Variants in RPS6KA6 observed in about 807,000 individuals in gnomAD.
RPS6KA6 encodes ribosomal protein S6 kinase alpha-6.
Under a neutral mutation model 65.4 loss-of-function variants are expected in RPS6KA6, and 27 were observed. That is an observed-to-expected ratio of 0.41 (90% CI 0.30 to 0.57). The LOEUF (loss-of-function observed/expected upper bound fraction) is 0.57, where lower values mean the gene tolerates loss of function less well. Among genes scored for constraint, RPS6KA6 ranks in the 20% least tolerant of loss-of-function variants. RPS6KA6 has a pLI of 0.24. For synonymous variants in RPS6KA6, 190 were observed against 184.2 expected (o/e 1.03, Z -0.26); for missense variants, 486 against 555.6 (o/e 0.87, Z 1.26).
At chrX:84,107,487 T>C (rs1326748093) in intron 13 of RPS6KA6, 136 bp downstream of exon 13, 2 of 398,334 alleles carry the variant, frequency 5.0e-6, no homozygotes, top group Non-Finnish European at 8.7e-6. Context: ...ATGTTTTGTA[T>C]AGGATCCATA....
At chrX:84,175,114 T>G (rs761473218) in intron 1 of RPS6KA6, among the ~76,000 whole-genome samples, 16 of 111,535 alleles carry the variant, frequency 1.4e-4, no homozygotes, top group African/African-American at 5.2e-4. Context: ...CAAAATCACA[T>G]TAAAAATATA....
At chrX:84,117,211 T>G in intron 10 of RPS6KA6, 63 bp from the exon 11 acceptor site, 1 of 932,850 alleles carries the variant, frequency 1.1e-6, no homozygotes, top group African/African-American at 1.9e-5. Flanking sequence ...TTGAAAAATC[T>G]CAAAAAGAAC....
intron 3 of RPS6KA6, among the ~76,000 whole-genome samples, chrX:84,149,264 C>A (rs1021511331): frequency 1.8e-5 from 2 of 111,534 alleles, no homozygotes; most frequent in Non-Finnish European, 3.8e-5. Context: ...TTGAGCCCCT[C>A]CAAGTCATCC....
chrX:84,076,806 A>C (rs921638242), intron 20 of RPS6KA6, among the ~76,000 whole-genome samples: 2 of 111,343 alleles, frequency 1.8e-5, no homozygotes, highest in African/African-American at 6.5e-5. Flanking sequence ...AATTAAGAAA[A>C]AAGACATCCA....
intron 1 of RPS6KA6, among the ~76,000 whole-genome samples, chrX:84,172,208 C>T (rs1399516865): frequency 8.9e-6 from 1 of 111,782 alleles, no homozygotes; most frequent in Admixed American, 9.5e-5. Flanking sequence ...CATACGTGTG[C>T]ATGTGTCTTT....
intron 20 of RPS6KA6, among the ~76,000 whole-genome samples, chrX:84,076,487 C>T (rs1341587929): frequency 1.8e-5 from 2 of 111,569 alleles, no homozygotes; most frequent in Admixed American, 1.9e-4. Context: ...AGAAGGTTGG[C>T]TTAGCATTTG....
chrX:84,152,344 C>A (rs980696741), intron 3 of RPS6KA6, among the ~76,000 whole-genome samples: 4 of 110,452 alleles, frequency 3.6e-5, no homozygotes, highest in African/African-American at 1.3e-4. Context: ...TCTCAACCTT[C>A]CCAAGGCTAT....
chrX:84,074,885 T>C (rs1271653425), intron 20 of RPS6KA6, among the ~76,000 whole-genome samples: 1 of 111,381 alleles, frequency 9.0e-6, no homozygotes, highest in African/African-American at 3.3e-5. Context: ...TGTTAAATAG[T>C]TATTATAATT....
At chrX:84,151,929 G>A (rs1004946498) in intron 3 of RPS6KA6, among the ~76,000 whole-genome samples, 14 of 111,402 alleles carry the variant, frequency 1.3e-4, no homozygotes, top group African/African-American at 4.6e-4. Flanking sequence ...TCCCTGAAAA[G>A]TCTTGGGATT....
chrX:84,146,832 C>T (rs2035207338), intron 5 of RPS6KA6, 146 bp downstream of exon 5: 2 of 337,203 alleles, frequency 5.9e-6, no homozygotes, highest in Non-Finnish European at 1.0e-5. Flanking sequence ...TTATTTCAGA[C>T]AAATACATTT....
chrX:84,129,319 C>T (rs1180061278), intron 8 of RPS6KA6, among the ~76,000 whole-genome samples: 1 of 110,880 alleles, frequency 9.0e-6, no homozygotes, highest in East Asian at 2.8e-4. Context: ...TAAAATGAGG[C>T]CTTTATTCAA....
At position 84,060,598 on chromosome X, in the gene RPS6KA6, C is replaced by T. The variant is rs972650401; in HGVS notation, c.*3679G>A. 4 of 110,577 alleles carry T rather than the reference C, an allele frequency of 3.6e-5. No homozygotes were observed. The highest frequency in any genetic ancestry group is 7.6e-5 in the Non-Finnish European group (4 of 52,866). The allele number at this position is 110,577 out of a possible 1,213,427, so 9.1% of individuals were successfully genotyped here. A position where few individuals can be genotyped will look rare whatever the true frequency, so the allele number is the denominator to read the frequency against. On this transcript the variant is annotated 3_prime_UTR_variant, in exon 22 of 22. Coordinates refer to ENST00000262752, the MANE Select transcript of RPS6KA6 (RefSeq NM_014496.5). ...ATAATCGCCAATCTCTGTCTACCTC[C>T]ACATCATTTTGTCATAGAAGTTCAT...
rs765349253 is a variant in RPS6KA6 at position 84,082,481 on chromosome X, TGGATA to T, written c.1971+13708_1971+13712del. On this transcript the variant is annotated intron_variant, in intron 20 of 21. Coordinates refer to ENST00000262752, the MANE Select transcript of RPS6KA6 (RefSeq NM_014496.5). ...CAAATGGAAAAACATTCCATGCTCA[TGGATA>T]GGAAGAATCAATACCGTGAAAATGG... Among the ~76,000 whole-genome samples the T allele has an allele frequency of 8.0e-5, 9 of 112,177 alleles. No homozygotes were observed. The South Asian group carries it at 3.3e-3, about 41-fold the overall frequency.
At chrX:84,096,035 G>T (rs888450527) in intron 20 of RPS6KA6, among the ~76,000 whole-genome samples, 159 bp downstream of exon 20, 1 of 111,780 alleles carries the variant, frequency 8.9e-6, no homozygotes, top group Non-Finnish European at 1.9e-5. Context: ...AAAACCAAAA[G>T]TTATCCTTTG....
intron 17 of RPS6KA6, among the ~76,000 whole-genome samples, chrX:84,102,731 G>A (rs191529244): frequency 9.0e-6 from 1 of 110,852 alleles, no homozygotes; most frequent in Admixed American, 9.7e-5. Context: ...AGGGAACACA[G>A]GAAACCATAC....
In RPS6KA6 at chrX:84,061,101, C is replaced by T; in HGVS notation, c.*3176G>A. ...AAATAAGATAGATAGCATGAAGGGG[C>T]TGGAAAGCCAGGAGAAAGAGAATGT... On this transcript the variant is annotated 3_prime_UTR_variant, in exon 22 of 22. Coordinates refer to ENST00000262752, the MANE Select transcript of RPS6KA6 (RefSeq NM_014496.5). The T allele has an allele frequency of 8.8e-6, 1 of 113,575 alleles. No individual in the cohort carries two copies. The highest frequency in any genetic ancestry group is 1.9e-5 in the Non-Finnish European group (1 of 53,369). The allele number at this position is 113,575 out of a possible 1,213,427, so 9.4% of individuals were successfully genotyped here.
chrX:84,160,733 C>T (rs893756238), intron 2 of RPS6KA6, among the ~76,000 whole-genome samples: 39 of 111,020 alleles, frequency 3.5e-4, no homozygotes, highest in African/African-American at 1.3e-3. Flanking sequence ...CCCAGAAGAG[C>T]AGCTCGATAT....
chrX:84,153,073 C>T (rs750350224), intron 3 of RPS6KA6, among the ~76,000 whole-genome samples: 1 of 111,194 alleles, frequency 9.0e-6, no homozygotes, highest in Non-Finnish European at 1.9e-5. Flanking sequence ...ACTAGAAGAT[C>T]ACACATATTT....
At chrX:84,112,193 T>C (rs1192407490) in intron 12 of RPS6KA6, among the ~76,000 whole-genome samples, 2 of 111,122 alleles carry the variant, frequency 1.8e-5, no homozygotes, top group Admixed American at 9.6e-5. Flanking sequence ...CAACTACTAA[T>C]AGACCTAAGA....
Sources: allele counts gnomAD v4.1 joint callset (sites outside exome capture counted in the v4.1 genomes callset), GRCh38; gene constraint gnomAD v4.1.1; transcripts MANE v1.5; gene names NCBI Gene and HGNC (gene_info 2026-07-23, HGNC 2026-07-21).